STAU2: variants seen among roughly 807,000 people sequenced by gnomAD.
The protein encoded by STAU2 is staufen double-stranded RNA binding protein 2.
In STAU2, 20 loss-of-function variants were observed where a neutral mutation model predicts 65.9. The observed-to-expected ratio is 0.30, with a 90% CI of 0.21 to 0.44. The LOEUF (loss-of-function observed/expected upper bound fraction) is 0.44. STAU2 is among the 20% of genes least tolerant of loss of function. STAU2 has a pLI of 1.00. For missense variants in STAU2, 558 were observed against 683.9 expected, an observed-to-expected ratio of 0.82 and a Z score of 2.05; for synonymous variants, 232 against 233.9, an observed-to-expected ratio of 0.99 and a Z score of 0.07.
At chr8:73,552,623 G>A (rs1190852488) in intron 12 of STAU2, among the ~76,000 whole-genome samples, 1 of 152,138 alleles carries the variant, frequency 6.6e-6, no homozygotes, top group African/African-American at 2.4e-5. Flanking sequence ...GTATAATGGG[G>A]CAGAAAATCA....
At chr8:73,426,375 C>G (rs1816826330) in intron 13 of STAU2, among the ~76,000 whole-genome samples, 1 of 152,144 alleles carries the variant, frequency 6.6e-6, no homozygotes, top group Non-Finnish European at 1.5e-5. Context: ...TAACTATAGT[C>G]TTTCTACAGT....
At chr8:73,615,528 G>C (rs555837701) in intron 8 of STAU2, 147 bp downstream of exon 8, 15 of 534,014 alleles carry the variant, frequency 2.8e-5, no homozygotes, top group African/African-American at 2.5e-4. Flanking sequence ...ATTTTCACCA[G>C]GGCCTAGATC....
intron 13 of STAU2, among the ~76,000 whole-genome samples, chr8:73,492,764 A>T (rs981327545): frequency 2.0e-5 from 3 of 151,902 alleles, no homozygotes; most frequent in African/African-American, 7.2e-5. Flanking sequence ...TTGACCCAAC[A>T]TTCCTACCTA....
At chr8:73,679,421 C>T (rs950524917) in intron 5 of STAU2, among the ~76,000 whole-genome samples, 1 of 152,292 alleles carries the variant, frequency 6.6e-6, no homozygotes, top group Non-Finnish European at 1.5e-5. Context: ...CTTGCCGCTG[C>T]AAACTCCATG....
chr8:73,636,665 C>G (rs934810154), intron 6 of STAU2, among the ~76,000 whole-genome samples: 4 of 151,838 alleles, frequency 2.6e-5, no homozygotes, highest in Admixed American at 6.6e-5. Flanking sequence ...GAGTTCGAGA[C>G]CAGCCTCACC....
chr8:73,615,661 T>C lies in STAU2; in HGVS notation c.678+14A>G. ...GCAAGGGAAAAAATGGGAAGATCTC[T>C]ACCGAGTACATACCTCAAAACTGAC... On this transcript the variant is annotated intron_variant, in intron 8 of 14. Transcript: ENST00000524300. 1 of 1,599,132 alleles carries C rather than the reference T, an allele frequency of 6.3e-7. No homozygotes were observed. The highest frequency in any genetic ancestry group is 8.6e-7 in the Non-Finnish European group (1 of 1,167,350).
chr8:73,609,724 T>C (rs1012249819), intron 9 of STAU2, among the ~76,000 whole-genome samples: 1 of 152,112 alleles, frequency 6.6e-6, no homozygotes, highest in Non-Finnish European at 1.5e-5. Flanking sequence ...ATCCACATAA[T>C]AATTTATAAG....
At chr8:73,518,634 C>T (rs6990643) in intron 13 of STAU2, among the ~76,000 whole-genome samples, 38,522 of 152,064 alleles carry the variant, frequency 0.25, 5,546 homozygotes, top group Middle Eastern at 0.35. Context: ...AATGTAAAAG[C>T]CATTCTTAGT....
At chr8:73,497,185 A>T (rs1028722164) in intron 13 of STAU2, among the ~76,000 whole-genome samples, 2 of 151,714 alleles carry the variant, frequency 1.3e-5, no homozygotes, top group Admixed American at 6.6e-5. Flanking sequence ...TTCATCTATT[A>T]AATTGGCTTA....
intron 4 of STAU2, among the ~76,000 whole-genome samples, chr8:73,697,619 C>G (rs2130580693): frequency 6.6e-6 from 1 of 152,190 alleles, no homozygotes; most frequent in Admixed American, 6.5e-5. Context: ...ATAGCTACAA[C>G]AACTTTTCAA....
rs2129842784 is a variant in STAU2 at position 73,613,790 on chromosome 8, T to C, written c.845A>G (p.Glu282Gly). 1 of 1,613,408 alleles carries C rather than the reference T, an allele frequency of 6.2e-7. No individual in the cohort carries two copies. The highest frequency in any genetic ancestry group is 8.5e-7 in the Non-Finnish European group (1 of 1,179,728). Residue 282 changes from glutamate to glycine, a missense_variant, in exon 9 of 15, where the codon GAA becomes GGA. This residue lies in a region of STAU2 where 199 missense variants were observed against 299.5 expected (regional missense o/e 0.66). Transcript: ENST00000524300. ...TTTTTTAAAAAATAGTTTTGGCTTT[T>C]CCACCACAGGAAGAGGTGGAAGTTT... is the stretch of plus-strand genomic sequence containing the variant. ...LKKLPPLPVV[E>G]KPKLFFKKRP... is the part of the protein sequence containing the mutation.
intron 10 of STAU2, among the ~76,000 whole-genome samples, chr8:73,600,802 T>G (rs188141038): frequency 6.6e-6 from 1 of 152,358 alleles, no homozygotes; most frequent in East Asian, 1.9e-4. Flanking sequence ...CTAAAACAAG[T>G]GCTTCCCAGA....
At chr8:73,528,009 G>A (rs1230235034) in intron 13 of STAU2, among the ~76,000 whole-genome samples, 1 of 152,144 alleles carries the variant, frequency 6.6e-6, no homozygotes, top group African/African-American at 2.4e-5. Context: ...TTTAGGAAAT[G>A]CTATGCAAAG....
chr8:73,481,452 T>C (rs1585846993), intron 13 of STAU2, among the ~76,000 whole-genome samples: 1 of 147,024 alleles, frequency 6.8e-6, no homozygotes, highest in Admixed American at 6.9e-5. Flanking sequence ...CTGGCTAGGG[T>C]CCCTTCTAGC....
intron 4 of STAU2, among the ~76,000 whole-genome samples, chr8:73,698,725 G>A (rs56827893): frequency 0.2 from 30,922 of 151,734 alleles, 3,533 homozygotes; most frequent in East Asian, 0.37. Context: ...TCAACACCCC[G>A]CTTTCAGCAT....
chr8:73,690,258 A>G (rs10110056), intron 4 of STAU2, among the ~76,000 whole-genome samples: 40,370 of 148,194 alleles, frequency 0.27, 5,948 homozygotes, highest in East Asian at 0.45. Flanking sequence ...GAACCCAGGA[A>G]GCGGAGCTTG....
chr8:73,661,905 A>G (rs1052344335), intron 6 of STAU2, among the ~76,000 whole-genome samples: 4 of 152,186 alleles, frequency 2.6e-5, no homozygotes, highest in African/African-American at 9.7e-5. Flanking sequence ...TTCATGTATA[A>G]GTCTTTGAAT....
intron 13 of STAU2, among the ~76,000 whole-genome samples, chr8:73,547,934 T>C (rs967699929): frequency 1.3e-5 from 2 of 152,052 alleles, no homozygotes; most frequent in African/African-American, 2.4e-5. Context: ...AAAAGCAATA[T>C]GGTATAACCA....
rs368016256 is a variant in STAU2 at position 73,688,768 on chromosome 8, C to T, written c.160G>A (p.Glu54Lys). The T allele has an allele frequency of 3.1e-5, 50 of 1,614,008 alleles. 1 individual carries two copies. In the South Asian group the frequency reaches 3.5e-4, roughly 11 times the overall value. ...LSLGEQTWES[E>K]GSSIKKAQQA... ...TGAGCCTTCTTTATACTGCTGCCTT[C>T]GGATTCCCATGTCTGCTCACCAAGA... The change falls in exon 5 of 15, where the codon GAA becomes AAA. Residue 54 changes from glutamate to lysine, a missense_variant. Around this residue, in one of 3 missense-constraint regions of STAU2, gnomAD observed 112 missense variants for 114.2 expected, o/e 0.98. Transcript: ENST00000524300.
Sources: allele counts gnomAD v4.1 joint callset (sites outside exome capture counted in the v4.1 genomes callset), GRCh38; gene constraint gnomAD v4.1.1; regional missense constraint gnomAD v4.1.1; transcripts MANE v1.5; gene names NCBI Gene and HGNC (gene_info 2026-07-23, HGNC 2026-07-21).